Variants in AMER3 observed in about 807,000 individuals in gnomAD.
AMER3 encodes the protein family with sequence similarity 123C.
For missense variants in AMER3, 1,201 were observed against 1,139.4 expected, an observed-to-expected ratio of 1.05 and a Z score of -0.78; for synonymous variants, 541 against 485.5, an observed-to-expected ratio of 1.11 and a Z score of -1.50.
In AMER3 at chr2:130,762,200, G is replaced by T. The variant is rs1166242159; in HGVS notation, c.128G>T (p.Gly43Val). 6.3e-7 allele frequency: 1 copy of T among 1,589,040 alleles called. No homozygotes were observed. The highest frequency in any genetic ancestry group is 1.1e-5 in the South Asian group (1 of 87,762). The change falls in exon 2 of 2, where the codon GGG becomes GTG. Residue 43 changes from glycine to valine, a missense_variant. By Grantham distance (109) the Gly-to-Val change is moderately radical. Coordinates refer to ENST00000321420, the MANE Select transcript of AMER3 (RefSeq NM_152698.3). ...GTGPWSVLPG[G>V]QQRPHSEKGP... ...GGCCCCTGGTCAGTCCTTCCAGGAG[G>T]GCAACAGAGGCCCCACAGTGAGAAG... is the stretch of plus-strand genomic sequence containing the variant.
chr2:130,760,304 C>G (rs1161401040), intron 1 of AMER3, among the ~76,000 whole-genome samples: 1 of 152,220 alleles, frequency 6.6e-6, no homozygotes, highest in African/African-American at 2.4e-5. Flanking sequence ...CTTGCCCCTG[C>G]CAGCCCCTGC....
chr2:130,764,159 C>T lies in AMER3; in HGVS notation c.2087C>T (p.Pro696Leu). 5 of 1,609,108 alleles carry T rather than the reference C, an allele frequency of 3.1e-6. No individual in the cohort carries two copies. Among genetic ancestry groups the T allele is most frequent in the South Asian group, 2.2e-5 (2 of 90,620 alleles). The change falls in exon 2 of 2, where the codon CCT becomes CTT. Residue 696 changes from proline (P) to leucine (L), a missense_variant. Transcript: ENST00000321420. ...AACGAACAGCCCCCGGCCGCATGGC[C>T]TCCAAGGCAAGACATGGGCAGTGGG... ...SSNEQPPAAW[P>L]PRQDMGSGLF...
rs1001724999 is a variant in AMER3, at chr2:130,765,377, A to C, written c.*719A>C. On this transcript the variant is annotated 3_prime_UTR_variant, in exon 2 of 2. Transcript: ENST00000321420. ...TACATGCATGTCACTATGCTTGGTAATTGTGTGCACCTCGCTTTATACTTG... is the reference window on the plus strand; with the variant it reads ...TACATGCATGTCACTATGCTTGGTACTTGTGTGCACCTCGCTTTATACTTG... The C allele has an allele frequency of 2.4e-5, 4 of 167,020 alleles. No homozygotes were observed. The highest frequency in any genetic ancestry group is 7.2e-5 in the African/African-American group (3 of 41,458). 10.3% of individuals were successfully genotyped at this position (167,020 alleles called of 1,614,324 possible). A position where few individuals can be genotyped will look rare whatever the true frequency, so the allele number is the denominator to read the frequency against.
chr2:130,765,459 C>T lies in AMER3; in HGVS notation c.*801C>T, dbSNP rs1349311817. 4 of 166,998 alleles carry T rather than the reference C, an allele frequency of 2.4e-5. No homozygotes were observed. Among genetic ancestry groups the T allele is most frequent in the Admixed American group, 2.0e-4 (3 of 15,294 alleles). 10.3% of individuals were successfully genotyped at this position (166,998 alleles called of 1,614,324 possible). On this transcript the variant is annotated 3_prime_UTR_variant, in exon 2 of 2. Transcript: ENST00000321420. ...TTGACGAAGTCAATCTATGATGCGT[C>T]ACCACCACACACACAGTTGCCCAAA... is the stretch of plus-strand genomic sequence containing the variant.
chr2:130,760,632 C>T (rs773308579), intron 1 of AMER3, among the ~76,000 whole-genome samples: 1 of 152,158 alleles, frequency 6.6e-6, no homozygotes, highest in African/African-American at 2.4e-5. Context: ...TACTGACTGT[C>T]AGGCCACTCA....
At chr2:130,757,466 T>C (rs912662539) in intron 1 of AMER3, among the ~76,000 whole-genome samples, 2 of 152,216 alleles carry the variant, frequency 1.3e-5, no homozygotes, top group African/African-American at 4.8e-5. Flanking sequence ...GTTGGCTCCC[T>C]GTGGCTTGCA....
Position 130,767,732 on chromosome 2 carries a change from T to C in AMER3, c.*3074T>C, listed in dbSNP as rs1334476321. 1 of 167,170 alleles carries C rather than the reference T, an allele frequency of 6.0e-6. No homozygotes were observed. Among genetic ancestry groups the C allele is most frequent in the Non-Finnish European group, 1.5e-5 (1 of 68,194 alleles). 10.4% of individuals were successfully genotyped at this position (167,170 alleles called of 1,614,324 possible). Reference sequence around the variant, plus strand: ...CGAGCTGGGGGCAAGTTTCACCAGATTCGCTTACCTGATCCTTGCATCAAC... The same window carrying C: ...CGAGCTGGGGGCAAGTTTCACCAGACTCGCTTACCTGATCCTTGCATCAAC... On this transcript the variant is annotated 3_prime_UTR_variant, in exon 2 of 2. Transcript: ENST00000321420.
Position 130,763,228 on chromosome 2 carries a change from G to A in AMER3, c.1156G>A (p.Gly386Ser). ...CGAATCCGTGTCCACAAGTGACGAGGGCTACTATGATTCCTTCTCGCCAGG... is the reference window on the plus strand; with the variant it reads ...CGAATCCGTGTCCACAAGTGACGAGAGCTACTATGATTCCTTCTCGCCAGG... ...QPESVSTSDE[G>S]YYDSFSPGLE... Residue 386 changes from glycine (G) to serine (S), a missense_variant, in exon 2 of 2, where the codon GGC becomes AGC. Physicochemically the swap from Gly to Ser is moderately conservative, Grantham distance 56 (BLOSUM62 0). Transcript: ENST00000321420. The A allele has an allele frequency of 6.2e-7, 1 of 1,613,852 alleles. No individual in the cohort carries two copies. The highest frequency in any genetic ancestry group is 8.5e-7 in the Non-Finnish European group (1 of 1,180,022).
In AMER3 at chr2:130,763,651, C is replaced by T. The variant is rs1574044127; in HGVS notation, c.1579C>T (p.Pro527Ser). ...TPRAPPTPGQ[P>S]AAPPGSQGAP... ...CCGTGCCCCACCCACCCCTGGGCAGCCTGCAGCTCCACCTGGTTCCCAGGG... is the reference window on the plus strand; with the variant it reads ...CCGTGCCCCACCCACCCCTGGGCAGTCTGCAGCTCCACCTGGTTCCCAGGG... Residue 527 changes from proline to serine, a missense_variant, in exon 2 of 2, where the codon CCT becomes TCT. Transcript: ENST00000321420. 8 of 1,528,098 alleles carry T rather than the reference C, an allele frequency of 5.2e-6. No individual in the cohort carries two copies. Among genetic ancestry groups the T allele is most frequent in the Non-Finnish European group, 7.0e-6 (8 of 1,138,552 alleles). 94.7% of individuals were successfully genotyped at this position (1,528,098 alleles called of 1,614,324 possible).
At chr2:130,761,983 G>C in intron 1 of AMER3, 71 bp from the exon 2 acceptor site, 1 of 1,397,664 alleles carries the variant, frequency 7.2e-7, no homozygotes, top group African/African-American at 1.4e-5. Context: ...TGTGAGAGGG[G>C]TAGGCAGGGT....
At chr2:130,758,144 CAAAA>C (rs528078573) in intron 1 of AMER3, among the ~76,000 whole-genome samples, 56 of 149,890 alleles carry the variant, frequency 3.7e-4, no homozygotes, top group Non-Finnish European at 6.1e-4. Context: ...AAAAACAAAA[CAAAA>C]CAAAAAACCC....
intron 1 of AMER3, chr2:130,755,895 AG>A (rs1018060807): frequency 9.3e-5 from 14 of 151,186 alleles, no homozygotes; most frequent in African/African-American, 3.4e-4. Flanking sequence ...GCTGAGGGGG[AG>A]GGGCTCCCAC....
At position 130,767,837 on chromosome 2, in the gene AMER3, A is replaced by C. The variant is rs1574047908; in HGVS notation, c.*3179A>C. 6.0e-6 allele frequency: 1 copy of C among 167,146 alleles called. No individual in the cohort carries two copies. The highest frequency in any genetic ancestry group is 1.9e-4 in the East Asian group (1 of 5,190). 10.4% of individuals were successfully genotyped at this position (167,146 alleles called of 1,614,324 possible). A position where few individuals can be genotyped will look rare whatever the true frequency, so the allele number is the denominator to read the frequency against. ...CTGGTGTGACTTGCCCACAGTTATT[A>C]GTGTGTGAGGTGATGGGTTTTGTCC... On this transcript the variant is annotated 3_prime_UTR_variant, in exon 2 of 2. Coordinates refer to ENST00000321420, the MANE Select transcript of AMER3 (RefSeq NM_152698.3).
rs778664237 is a variant in AMER3 at position 130,762,335 on chromosome 2, C to T, written c.263C>T (p.Pro88Leu). ...PAALCGATFKPVRKCKTHDSM... is the reference protein window; with the variant it reads ...PAALCGATFKLVRKCKTHDSM... ...GCCCTCTGTGGAGCCACCTTCAAAC[C>T]GGTGCGAAAGTGCAAGACTCACGAC... Residue 88 changes from proline to leucine, a missense_variant, in exon 2 of 2, where the codon CCG becomes CTG. Transcript: ENST00000321420. 15 of 1,610,690 alleles carry T rather than the reference C, an allele frequency of 9.3e-6. No homozygotes were observed. Among genetic ancestry groups the T allele is most frequent in the African/African-American group, 2.7e-5 (2 of 74,914 alleles).
At position 130,763,100 on chromosome 2, in the gene AMER3, A is replaced by G; in HGVS notation, c.1028A>G (p.Asp343Gly). The change falls in exon 2 of 2, where the codon GAC (aspartate) becomes GGC (glycine). Residue 343 changes from aspartate (D) to glycine (G), a missense_variant. Coordinates refer to ENST00000321420, the MANE Select transcript of AMER3 (RefSeq NM_152698.3). ...ACAGACAGGGACCAATCCCGGCTGG[A>G]CACAGCTGGGCTCGCTGAGCTGCCC... ...QGTDRDQSRL[D>G]TAGLAELPLC... 2 of 1,613,194 alleles carry G rather than the reference A, an allele frequency of 1.2e-6. No homozygotes were observed. The highest frequency in any genetic ancestry group is 1.1e-5 in the South Asian group (1 of 91,070).
chr2:130,762,490 C>T lies in AMER3; in HGVS notation c.418C>T (p.Pro140Ser). 1 of 1,613,250 alleles carries T rather than the reference C, an allele frequency of 6.2e-7. No homozygotes were observed. Among genetic ancestry groups the T allele is most frequent in the East Asian group, 2.2e-5 (1 of 44,870 alleles). ...RHFVPQMPFV[P>S]AVAKSIPRKR... ...CTTTGTGCCCCAGATGCCCTTTGTG[C>T]CAGCTGTGGCCAAGAGCATCCCGAG... The change falls in exon 2 of 2, where the codon CCA (proline) becomes TCA (serine). Residue 140 changes from proline to serine, a missense_variant. Pro to Ser is a moderately conservative substitution (Grantham distance 74). Coordinates refer to ENST00000321420, the MANE Select transcript of AMER3 (RefSeq NM_152698.3).
chr2:130,759,433 G>A (rs1395034920), intron 1 of AMER3, among the ~76,000 whole-genome samples: 1 of 152,132 alleles, frequency 6.6e-6, no homozygotes, highest in Admixed American at 6.5e-5. Flanking sequence ...TTCTGCACAA[G>A]GTGAAATAAT....
Position 130,762,561 on chromosome 2 carries a change from A to G in AMER3, c.489A>G (p.Leu163=). 5 of 1,613,430 alleles carry G rather than the reference A, an allele frequency of 3.1e-6. No individual in the cohort carries two copies. The highest frequency in any genetic ancestry group is 4.2e-6 in the Non-Finnish European group (5 of 1,179,998). ...LKRPKKCFRN[L]FHIRRNKTED... is the part of the protein sequence containing the mutation. ...GGCCCAAGAAGTGCTTTCGGAACCT[A>G]TTCCACATTCGGAGAAACAAGACTG... Residue 163 remains leucine (L), a synonymous_variant, in exon 2 of 2, where the codon CTA becomes CTG. Coordinates refer to ENST00000321420, the MANE Select transcript of AMER3 (RefSeq NM_152698.3).
Position 130,762,661 on chromosome 2 carries a change from C to A in AMER3, c.589C>A (p.Arg197=). 6.2e-7 allele frequency: 1 copy of A among 1,610,676 alleles called. No homozygotes were observed. The highest frequency in any genetic ancestry group is 8.5e-7 in the Non-Finnish European group (1 of 1,179,608). ...GGACCCGTCAGACCCTGGGGGGCGG[C>A]GAAGCAAAGCCTTCCTCCCCCCGGG... is the stretch of plus-strand genomic sequence containing the variant. ...PGDPSDPGGR[R]SKAFLPPGEG... Residue 197 remains arginine, a synonymous_variant, in exon 2 of 2, where the codon CGA becomes AGA. Transcript: ENST00000321420.
Sources: gnomAD v4.1 joint callset for allele counts (sites outside exome capture counted in the v4.1 genomes callset) on GRCh38, gnomAD v4.1.1 for gene constraint, MANE v1.5 for transcripts, NCBI Gene and HGNC (gene_info 2026-07-23, HGNC 2026-07-21) for gene names.